The following CCDC149 variants were observed in gnomAD, a reference collection of about 807,000 sequenced individuals.
The protein encoded by CCDC149 is coiled-coil domain containing 149, also known as coiled-coil domain-containing protein 149.
Under a neutral mutation model 59.9 loss-of-function variants are expected in CCDC149, and 45 were observed. The ratio of observed to expected loss-of-function variants is 0.75; its 90% CI spans 0.59 to 0.96. CCDC149 has a LOEUF of 0.96. Ranked by LOEUF, CCDC149 falls within the 40% of genes least tolerant of loss-of-function variation. The pLI is 0.00. For synonymous variants in CCDC149, 245 were observed against 260.6 expected (o/e 0.94, Z 0.58); for missense variants, 584 against 664.7 (o/e 0.88, Z 1.33).
At position 24,838,258 on chromosome 4, in the gene CCDC149, C is replaced by T. The variant is rs535395172; in HGVS notation, c.387G>A (p.Thr129=). The T allele has an allele frequency of 3.8e-5, 62 of 1,613,816 alleles. No homozygotes were observed. Among genetic ancestry groups the T allele is most frequent in the South Asian group, 3.0e-4 (27 of 91,064 alleles). Residue 129 remains threonine (T), a synonymous_variant, in exon 5 of 13, where the codon ACG becomes ACA. Transcript: ENST00000635206. ...CGTCTCCGAGCCTTTGTTTGGCAAT[C>T]GTCATCCTCAAGAGCTGCATTTTCC...
At chr4:24,832,206 A>G (rs1288493997) in intron 8 of CCDC149, among the ~76,000 whole-genome samples, 5 of 152,210 alleles carry the variant, frequency 3.3e-5, no homozygotes, top group Admixed American at 3.3e-4. Flanking sequence ...TATTATAGAA[A>G]AGGTTATGTA....
At chr4:24,973,728 T>C (rs1030608505) in intron 1 of CCDC149, among the ~76,000 whole-genome samples, 103 of 152,232 alleles carry the variant, frequency 6.8e-4, no homozygotes, top group African/African-American at 2.4e-3. Context: ...TGTGTGTGAG[T>C]GTATGATTAA....
Position 24,812,992 on chromosome 4 carries a change from G to A in CCDC149, c.1193-4173C>T, listed in dbSNP as rs1244887372. Among the ~76,000 whole-genome samples the A allele has an allele frequency of 2.0e-5, 3 of 152,264 alleles. No individual in the cohort carries two copies. In the East Asian group the frequency reaches 5.8e-4, roughly 29 times the overall value. The stretch of plus-strand genomic sequence containing the variant: ...GCCAAACCATATCACCCTCAGTGCT[G>A]TAGACTGAATGCTTGTGTCCTCCCC... On this transcript the variant is annotated intron_variant, in intron 12 of 12. Coordinates refer to ENST00000635206, the MANE Select transcript of CCDC149 (RefSeq NM_001330643.2).
chr4:24,816,491 G>A (rs1186622701), intron 12 of CCDC149, among the ~76,000 whole-genome samples: 2 of 152,124 alleles, frequency 1.3e-5, no homozygotes, highest in East Asian at 1.9e-4. Context: ...CTATCACTGG[G>A]ACCTCTGGTT....
intron 1 of CCDC149, among the ~76,000 whole-genome samples, chr4:24,911,954 T>G (rs1280748741): frequency 1.3e-5 from 2 of 152,154 alleles, no homozygotes; most frequent in African/African-American, 4.8e-5. Flanking sequence ...AGGGAGAAAT[T>G]CCCCGGCATG....
intron 12 of CCDC149, among the ~76,000 whole-genome samples, chr4:24,817,491 A>G (rs1371436899): frequency 6.6e-6 from 1 of 152,042 alleles, no homozygotes; most frequent in Non-Finnish European, 1.5e-5. Flanking sequence ...ATGCAGTATT[A>G]TGGTCCTATG....
chr4:24,973,102 CAGA>C (rs1724030695), intron 1 of CCDC149, among the ~76,000 whole-genome samples: 1 of 152,168 alleles, frequency 6.6e-6, no homozygotes, highest in East Asian at 1.9e-4. Flanking sequence ...AATTGCCAAT[CAGA>C]AGATCTTGGA....
At chr4:24,825,394 G>T (rs1715662276) in intron 9 of CCDC149, among the ~76,000 whole-genome samples, 1 of 152,198 alleles carries the variant, frequency 6.6e-6, no homozygotes, top group African/African-American at 2.4e-5. Flanking sequence ...TTATTTTGTA[G>T]GTGAGAAAAC....
At chr4:24,924,606 T>G (rs966456408) in intron 1 of CCDC149, among the ~76,000 whole-genome samples, 1 of 152,228 alleles carries the variant, frequency 6.6e-6, no homozygotes, top group South Asian at 2.1e-4. Context: ...ACATGTGGTC[T>G]CTCCATGTGG....
downstream of CCDC149, among the ~76,000 whole-genome samples, chr4:24,804,952 G>C (rs555222793): frequency 1.3e-5 from 2 of 152,174 alleles, no homozygotes; most frequent in Non-Finnish European, 2.9e-5. Flanking sequence ...AGCTAGAGAG[G>C]CTTTGGGAAT....
intron 2 of CCDC149, 111 bp downstream of exon 2, chr4:24,876,425 A>T (rs1719444113): frequency 8.0e-7 from 1 of 1,246,816 alleles, no homozygotes; most frequent in Non-Finnish European, 1.1e-6. Context: ...AAATTTTTCC[A>T]CTTTGAACTG....
At chr4:24,974,495 C>A (rs1156863346) in intron 1 of CCDC149, among the ~76,000 whole-genome samples, 1 of 152,192 alleles carries the variant, frequency 6.6e-6, no homozygotes, top group East Asian at 1.9e-4. Context: ...CAGAAATCAC[C>A]GGACCTTTCT....
intron 1 of CCDC149, among the ~76,000 whole-genome samples, chr4:24,892,096 C>T (rs1366894429): frequency 1.3e-5 from 2 of 152,094 alleles, no homozygotes; most frequent in South Asian, 2.1e-4. Flanking sequence ...CCAGGCTGAC[C>T]ATTCCAAAAG....
rs1045021899 is a variant in CCDC149 at position 24,912,908 on chromosome 4, G to GCCT, written c.-32_-30dup. 25 of 1,274,998 alleles carry GCCT rather than the reference G, an allele frequency of 2.0e-5. No individual in the cohort carries two copies. The African/African-American group carries it at 2.8e-4, about 14-fold the overall frequency. 79.0% of individuals were successfully genotyped at this position (1,274,998 alleles called of 1,614,324 possible). On this transcript the variant is annotated 5_prime_UTR_variant, in exon 1 of 13. Transcript: ENST00000635206. The stretch of plus-strand genomic sequence containing the variant: ...CTGGCCGGCCTCCTGGACCCCCGCC[G>GCCT]CCTCCTCCTCCTCGCGACGTCGCGT...
intron 1 of CCDC149, among the ~76,000 whole-genome samples, chr4:24,967,409 T>C (rs540079135): frequency 6.6e-6 from 1 of 152,284 alleles, no homozygotes; most frequent in African/African-American, 2.4e-5. Context: ...GACGGTGGAC[T>C]ATCAGGAACT....
At chr4:24,968,730 G>A (rs1427038961) in intron 1 of CCDC149, among the ~76,000 whole-genome samples, 1 of 152,186 alleles carries the variant, frequency 6.6e-6, no homozygotes, top group Non-Finnish European at 1.5e-5. Flanking sequence ...TAGCCTATTG[G>A]GCAGTATGGA....
At position 24,938,857 on chromosome 4, in the gene CCDC149, G is replaced by A. The variant is rs541290980; in HGVS notation, c.-65+41212C>T. 6.6e-5 allele frequency among the ~76,000 whole-genome samples: 10 copies of A among 152,344 alleles called. No homozygotes were observed. In the East Asian group the frequency reaches 7.7e-4, roughly 12 times the overall value. The stretch of plus-strand genomic sequence containing the variant: ...CAGCGAGGCTGGGTGAGGGGCGCCC[G>A]CCATTGCTCAGGCTTGAGTAGGTAA... On this transcript the variant is annotated intron_variant, in intron 1 of 12. Transcript: ENST00000389609.
At chr4:24,887,920 T>G (rs1003226469) in intron 1 of CCDC149, among the ~76,000 whole-genome samples, 2 of 152,166 alleles carry the variant, frequency 1.3e-5, no homozygotes, top group Non-Finnish European at 2.9e-5. Context: ...CCGCCCTCCA[T>G]GTTCCTGTTC....
At chr4:24,859,364 A>T (rs1718230418) in intron 3 of CCDC149, among the ~76,000 whole-genome samples, 1 of 152,140 alleles carries the variant, frequency 6.6e-6, no homozygotes, top group Non-Finnish European at 1.5e-5. Context: ...TCAATTTATG[A>T]TGGGTTTATC....
Sources: allele counts gnomAD v4.1 joint callset (sites outside exome capture counted in the v4.1 genomes callset), GRCh38; gene constraint gnomAD v4.1.1; transcripts MANE v1.5; gene names NCBI Gene and HGNC (gene_info 2026-07-23, HGNC 2026-07-21).